The following AGBL1 variants were observed in gnomAD, a reference collection of about 807,000 sequenced individuals.
AGBL1 encodes the protein cytosolic carboxypeptidase 4.
AGBL1 carries 130 observed loss-of-function variants against 118.9 expected under a neutral mutation model. That is an observed-to-expected ratio of 1.09 (90% CI 0.95 to 1.26). The LOEUF is 1.26. Among genes scored for constraint, AGBL1 ranks in the 50% most tolerant of loss-of-function variants. AGBL1 has a pLI of 0.00. For synonymous variants in AGBL1, 555 were observed against 478.9 expected (o/e 1.16, Z -2.08); for missense variants, 1,584 against 1,298.1 (o/e 1.22, Z -3.38).
chr15:86,182,445 C>A lies in AGBL1; in HGVS notation c.488+23419C>A, dbSNP rs551384317. The stretch of plus-strand genomic sequence containing the variant: ...AGTATCTAACTATATATTTCTCTCT[C>A]TCTCTATATTCAGTTCTTTATATTC... On this transcript the variant is annotated intron_variant, in intron 5 of 22. Transcript: ENST00000614907. Among the ~76,000 whole-genome samples the A allele has an allele frequency of 1.4e-4, 21 of 152,192 alleles. No individual in the cohort carries two copies. In the South Asian group the frequency reaches 4.4e-3, roughly 32 times the overall value.
intron 21 of AGBL1, among the ~76,000 whole-genome samples, chr15:86,662,129 A>C (rs2085553369): frequency 1.3e-5 from 2 of 152,216 alleles, no homozygotes. Context: ...TTCAGCTGGA[A>C]AAAGAGAAGC....
chr15:86,392,142 C>A (rs2081296861), intron 17 of AGBL1, among the ~76,000 whole-genome samples: 1 of 152,164 alleles, frequency 6.6e-6, no homozygotes, highest in Non-Finnish European at 1.5e-5. Flanking sequence ...TGTATAGATA[C>A]CTTTGTATAA....
chr15:86,270,403 TC>T (rs2079140711), intron 14 of AGBL1, among the ~76,000 whole-genome samples: 1 of 152,210 alleles, frequency 6.6e-6, no homozygotes, highest in Non-Finnish European at 1.5e-5. Context: ...CTGCTTTTTT[TC>T]CTGCAAGGTA....
chr15:86,357,858 T>G (rs907572270), intron 17 of AGBL1, among the ~76,000 whole-genome samples: 4 of 152,120 alleles, frequency 2.6e-5, no homozygotes, highest in African/African-American at 9.7e-5. Flanking sequence ...ACTCTTAACA[T>G]ATGACTCTTC....
intron 22 of AGBL1, among the ~76,000 whole-genome samples, chr15:86,856,581 GATAA>G (rs1413974774): frequency 4.6e-5 from 7 of 152,246 alleles, no homozygotes; most frequent in Admixed American, 3.3e-4. Context: ...CTTTGGTATT[GATAA>G]ATAAAGTGCA....
At chr15:86,725,857 C>T (rs1339823550) in intron 22 of AGBL1, among the ~76,000 whole-genome samples, 2 of 152,188 alleles carry the variant, frequency 1.3e-5, no homozygotes, top group African/African-American at 2.4e-5. Context: ...GCAGATTTCA[C>T]TAAAGCCCTT....
intron 23 of AGBL1, among the ~76,000 whole-genome samples, chr15:86,958,759 T>C (rs115623620): frequency 0.012 from 1,849 of 152,286 alleles, 37 homozygotes; most frequent in African/African-American, 0.042. Flanking sequence ...TTGGCACAGA[T>C]TGTAATAGCA....
intron 22 of AGBL1, among the ~76,000 whole-genome samples, chr15:86,892,468 T>A (rs1212132669): frequency 1.3e-5 from 2 of 152,168 alleles, no homozygotes; most frequent in Non-Finnish European, 2.9e-5. Context: ...TCAAGGGATA[T>A]AGGAACCCTT....
At chr15:86,421,699 G>C (rs190897736) in intron 18 of AGBL1, among the ~76,000 whole-genome samples, 1 of 152,062 alleles carries the variant, frequency 6.6e-6, no homozygotes, top group East Asian at 1.9e-4. Context: ...GCTGTATTCA[G>C]GAGACCCATC....
intron 18 of AGBL1, among the ~76,000 whole-genome samples, chr15:86,410,291 A>G (rs1012317258): frequency 3.3e-5 from 5 of 152,228 alleles, no homozygotes; most frequent in Non-Finnish European, 7.4e-5. Context: ...CTGTAATGCA[A>G]TCTCACTGCT....
intron 21 of AGBL1, among the ~76,000 whole-genome samples, chr15:86,584,343 G>A (rs770887600): frequency 1.8e-4 from 27 of 151,860 alleles, no homozygotes; most frequent in African/African-American, 3.4e-4. Context: ...CTTTTAATCC[G>A]TCTTGAGTTA....
chr15:86,470,384 A>T (rs1344580455), intron 18 of AGBL1, among the ~76,000 whole-genome samples: 1 of 152,120 alleles, frequency 6.6e-6, no homozygotes, highest in East Asian at 1.9e-4. Flanking sequence ...TTGTAATTGC[A>T]TGGATTAATT....
At position 86,732,230 on chromosome 15, in the gene AGBL1, T is replaced by A. The variant is rs952986468; in HGVS notation, c.3158+57794T>A. ...ATACCTTAGTGGTCTGAAAAAATAA[T>A]AATTTCATTTATTCAAATGATAGTG... On this transcript the variant is annotated intron_variant, in intron 22 of 22. Coordinates refer to ENST00000614907, the MANE Select transcript of AGBL1 (RefSeq NM_001386094.1). Among the ~76,000 whole-genome samples the A allele has an allele frequency of 3.9e-5, 6 of 152,248 alleles. No individual in the cohort carries two copies. The East Asian group carries it at 1.2e-3, about 29-fold the overall frequency.
intron 18 of AGBL1, among the ~76,000 whole-genome samples, chr15:86,465,349 G>A (rs981564622): frequency 2.0e-5 from 3 of 152,104 alleles, no homozygotes; most frequent in African/African-American, 7.2e-5. Flanking sequence ...ACCCTGTGAT[G>A]ATTGCATTAT....
intron 21 of AGBL1, among the ~76,000 whole-genome samples, chr15:86,673,493 TTACTAGA>T: frequency 6.6e-6 from 1 of 152,196 alleles, no homozygotes. Context: ...CCTCTGGTAC[TTACTAGA>T]TGCTAGGCCT....
At position 86,897,764 on chromosome 15, in the gene AGBL1, C is replaced by CTTTTTTTTTTTT. The variant is rs71460231; in HGVS notation, c.3159-9311_3159-9300dup. ...ATAATTTACTCCTTTCATCTTTTATCTTTTTTTTTTTTTTTTTTTTTTTGA... is the reference window on the plus strand; with the variant it reads ...ATAATTTACTCCTTTCATCTTTTATCTTTTTTTTTTTTTTTTTTTTTTTTTTTTTTTTTTTGA... On this transcript the variant is annotated intron_variant, in intron 22 of 22. Coordinates refer to ENST00000614907, the MANE Select transcript of AGBL1 (RefSeq NM_001386094.1). 8.9e-4 allele frequency among the ~76,000 whole-genome samples: 72 copies of CTTTTTTTTTTTT among 80,614 alleles called. 1 individual carries two copies. Among genetic ancestry groups the CTTTTTTTTTTTT allele is most frequent in the East Asian group, 1.2e-3 (3 of 2,478 alleles). 52.9% of individuals were successfully genotyped at this position (80,614 alleles called of 152,430 possible). A position where few individuals can be genotyped will look rare whatever the true frequency, so the allele number is the denominator to read the frequency against.
At chr15:86,214,433 A>G (rs1597566124) in intron 5 of AGBL1, among the ~76,000 whole-genome samples, 1 of 152,228 alleles carries the variant, frequency 6.6e-6, no homozygotes, top group East Asian at 1.9e-4. Flanking sequence ...TTATTTACTC[A>G]TTATACCTCT....
At chr15:86,883,122 A>G (rs1032815680) in intron 22 of AGBL1, among the ~76,000 whole-genome samples, 1 of 152,254 alleles carries the variant, frequency 6.6e-6, no homozygotes, top group African/African-American at 2.4e-5. Context: ...GTCAAATATT[A>G]TTATTTAAAA....
chr15:87,016,490 C>A (rs879732702), intron 24 of AGBL1, among the ~76,000 whole-genome samples: 5 of 152,140 alleles, frequency 3.3e-5, no homozygotes, highest in Admixed American at 1.3e-4. Context: ...ATCTCTCTGG[C>A]CTTTATTATC....
Sources: allele counts gnomAD v4.1 joint callset (sites outside exome capture counted in the v4.1 genomes callset), GRCh38; gene constraint gnomAD v4.1.1; transcripts MANE v1.5; gene names NCBI Gene and HGNC (gene_info 2026-07-23, HGNC 2026-07-21).